Variants in MDH1 observed in about 807,000 individuals in gnomAD.
MDH1 encodes the protein malate dehydrogenase 1, also known as malate dehydrogenase, cytoplasmic.
A neutral mutation model predicts 38.7 loss-of-function variants in MDH1; 15 were observed. The ratio of observed to expected loss-of-function variants is 0.39; its 90% confidence interval spans 0.26 to 0.60. The LOEUF (loss-of-function observed/expected upper bound fraction) is 0.60. Among genes scored for constraint, MDH1 ranks in the 20% least tolerant of loss-of-function variants. The pLI is 0.56. For missense variants in MDH1, 368 were observed against 405.2 expected, an observed-to-expected ratio of 0.91 and a Z score of 0.79; for synonymous variants, 144 against 143.6, an observed-to-expected ratio of 1.00 and a Z score of -0.02.
At chr2:63,601,998 C>A (rs1228236534) in intron 5 of MDH1, among the ~76,000 whole-genome samples, 1 of 152,212 alleles carries the variant, frequency 6.6e-6, no homozygotes, top group Non-Finnish European at 1.5e-5. Flanking sequence ...CCCTATCCCA[C>A]AGGCTAAGCA....
In MDH1 at chr2:63,598,617, T is replaced by C. The variant is rs57702773; in HGVS notation, c.376-553T>C. ...TTCTATCAATAACATTTCATAGATA[T>C]CTGCATTTTTTGCTTTCTGTGCACT... On this transcript the variant is annotated intron_variant, in intron 4 of 8. Transcript: ENST00000233114. 9.4e-3 allele frequency among the ~76,000 whole-genome samples: 1,430 copies of C among 152,318 alleles called. 20 individuals carry two copies. The highest frequency in any genetic ancestry group is 0.032 in the African/African-American group (1,313 of 41,552).
chr2:63,590,788 T>C (rs903400863), intron 1 of MDH1: 1 of 152,044 alleles, frequency 6.6e-6, no homozygotes, highest in Admixed American at 6.6e-5. Flanking sequence ...TGTCTGGCAG[T>C]TTGCTGGAAC....
At position 63,597,492 on chromosome 2, in the gene MDH1, G is replaced by T; in HGVS notation, c.293G>T (p.Arg98Ile). 1 of 1,526,250 alleles carries T rather than the reference G, an allele frequency of 6.6e-7. No individual in the cohort carries two copies. The highest frequency in any genetic ancestry group is 8.8e-7 in the Non-Finnish European group (1 of 1,130,508). The allele number at this position is 1,526,250 out of a possible 1,614,324, so 94.5% of individuals were successfully genotyped here. Reference protein sequence around the residue: ...GSMPRREGMERKDLLKANVKI... With the variant: ...GSMPRREGMEIKDLLKANVKI... ...ATGCCAAGAAGGGAAGGCATGGAGA[G>T]AAAAGATTTACTGAAAGCAAATGTG... The change falls in exon 4 of 9, where the codon AGA becomes ATA. Residue 98 changes from arginine (R) to isoleucine (I), a missense_variant. Physicochemically the swap from Arg to Ile is moderately conservative, Grantham distance 97. Coordinates refer to ENST00000233114, the MANE Select transcript of MDH1 (RefSeq NM_005917.4).
At chr2:63,605,621 G>A (rs963918919) in intron 7 of MDH1, among the ~76,000 whole-genome samples, 2 of 152,192 alleles carry the variant, frequency 1.3e-5, no homozygotes, top group Non-Finnish European at 2.9e-5. Flanking sequence ...GGTTAAAGGA[G>A]ATTGCACATG....
chr2:63,605,176 T>A, intron 6 of MDH1, 104 bp from the exon 7 acceptor site: 1 of 752,036 alleles, frequency 1.3e-6, no homozygotes, highest in Non-Finnish European at 2.2e-6. Flanking sequence ...GGGGAAACAT[T>A]AAGCTCTGGT....
intron 5 of MDH1, among the ~76,000 whole-genome samples, chr2:63,602,028 C>G (rs1390824097): frequency 6.6e-6 from 1 of 152,196 alleles, no homozygotes; most frequent in Non-Finnish European, 1.5e-5. Context: ...CTGGGTACCC[C>G]AGAAACCCAA....
chr2:63,604,950 G>T, intron 6 of MDH1, 78 bp downstream of exon 6: 1 of 1,446,416 alleles, frequency 6.9e-7, no homozygotes. Flanking sequence ...AAACCTTAAA[G>T]AGGGCAGGTC....
chr2:63,597,612 A>G (rs775807563), intron 4 of MDH1, 38 bp downstream of exon 4: 4 of 1,334,558 alleles, frequency 3.0e-6, no homozygotes, highest in Admixed American at 6.0e-5. Flanking sequence ...TTTCATTATT[A>G]GCATTTGAAA....
chr2:63,605,718 T>G, intron 7 of MDH1: 1 of 598,220 alleles, frequency 1.7e-6, no homozygotes, highest in Non-Finnish European at 3.0e-6. Context: ...AAATGAGGAT[T>G]AGGTTTCCCT....
rs1005783257 is a variant in MDH1, at chr2:63,601,697, A to C, written c.498+2405A>C. On this transcript the variant is annotated intron_variant, in intron 5 of 8. Coordinates refer to ENST00000233114, the MANE Select transcript of MDH1 (RefSeq NM_005917.4). Reference sequence around the variant, plus strand: ...ATAGAAGGAGCAAGAGGAGGAGGGCAACAAGAACAAAGGAAGGCATGGGAG... The same window carrying C: ...ATAGAAGGAGCAAGAGGAGGAGGGCCACAAGAACAAAGGAAGGCATGGGAG... Among the ~76,000 whole-genome samples the C allele has an allele frequency of 5.3e-5, 8 of 152,328 alleles. No individual in the cohort carries two copies. In the Middle Eastern group the frequency reaches 0.01, roughly 194 times the overall value.
At chr2:63,589,625 G>A (rs1378928237) in intron 1 of MDH1, among the ~76,000 whole-genome samples, 1 of 152,190 alleles carries the variant, frequency 6.6e-6, no homozygotes, top group Non-Finnish European at 1.5e-5. Context: ...ATATATTGAA[G>A]TGACAGCATC....
intron 2 of MDH1, chr2:63,595,057 C>T (rs2106606101): frequency 3.2e-6 from 1 of 309,352 alleles, no homozygotes; most frequent in East Asian, 9.2e-5. Context: ...CCCATGGATA[C>T]TGAATTATTC....
At chr2:63,590,629 T>A (rs1035868007) in intron 1 of MDH1, 2 of 152,208 alleles carry the variant, frequency 1.3e-5, no homozygotes, top group Admixed American at 6.5e-5. Context: ...TATCTACTCT[T>A]ATAATGTAGT....
At chr2:63,595,087 C>T (rs565297480) in intron 2 of MDH1, 1 of 366,672 alleles carries the variant, frequency 2.7e-6, no homozygotes, top group East Asian at 7.1e-5. Context: ...AGATACTGTA[C>T]TTAGCTTTCC....
At chr2:63,599,422 T>A in intron 5 of MDH1, 130 bp downstream of exon 5, 1 of 897,320 alleles carries the variant, frequency 1.1e-6, no homozygotes, top group Non-Finnish European at 1.6e-6. Flanking sequence ...TTACTTTTAT[T>A]AAATTAAAAG....
In MDH1 at chr2:63,607,159, G is replaced by A; in HGVS notation, c.*172G>A. ...GTGAATGACAGTTTATCGTCATGCT[G>A]TTAGTGTGCATTCTAAATAAATATA... On this transcript the variant is annotated 3_prime_UTR_variant, in exon 9 of 9. Coordinates refer to ENST00000233114, the MANE Select transcript of MDH1 (RefSeq NM_005917.4). 1 of 471,004 alleles carries A rather than the reference G, an allele frequency of 2.1e-6. No homozygotes were observed. The highest frequency in any genetic ancestry group is 3.1e-5 in the South Asian group (1 of 31,760). The allele number at this position is 471,004 out of a possible 1,614,324, so 29.2% of individuals were successfully genotyped here.
At chr2:63,598,622 AT>A (rs1339004403) in intron 4 of MDH1, among the ~76,000 whole-genome samples, 1 of 152,156 alleles carries the variant, frequency 6.6e-6, no homozygotes, top group South Asian at 2.1e-4. Flanking sequence ...AGATATCTGC[AT>A]TTTTTGCTTT....
Position 63,599,176 on chromosome 2 carries a change from G to A in MDH1, c.382G>A (p.Val128Ile), listed in dbSNP as rs141563325. The A allele has an allele frequency of 6.2e-7, 1 of 1,613,432 alleles. No homozygotes were observed. Among genetic ancestry groups the A allele is most frequent in the African/African-American group, 1.3e-5 (1 of 74,874 alleles). The change falls in exon 5 of 9, where the codon GTT becomes ATT. Residue 128 changes from valine (V) to isoleucine (I), a missense_variant. Physicochemically the swap from Val to Ile is conservative, Grantham distance 29. Transcript: ENST00000233114. ...KYAKKSVKVI[V>I]VGNPANTNCL... is the part of the protein sequence containing the mutation. ...TGCCTTCCATTCCTCCTAGGTTATT[G>A]TTGTGGGTAATCCAGCCAATACCAA...
chr2:63,593,051 A>G (rs1709229786), intron 1 of MDH1: 1 of 152,282 alleles, frequency 6.6e-6, no homozygotes, highest in Admixed American at 6.5e-5. Context: ...GGCTATGATC[A>G]AATTCATTTC....
Sources: allele counts gnomAD v4.1 joint callset (sites outside exome capture counted in the v4.1 genomes callset), GRCh38; gene constraint gnomAD v4.1.1; transcripts MANE v1.5; gene names NCBI Gene and HGNC (gene_info 2026-07-23, HGNC 2026-07-21).